The following RAB27A variants were observed in gnomAD, a reference collection of about 807,000 sequenced individuals.
RAB27A encodes the protein ras-related protein Rab-27A.
RAB27A carries 17 observed loss-of-function variants against 20.8 expected under a neutral mutation model. That is an observed-to-expected ratio of 0.82 (90% CI 0.56 to 1.23). RAB27A has a LOEUF of 1.23. Among genes scored for constraint, RAB27A ranks in the 50% most tolerant of loss-of-function variants. The pLI is 0.00. For synonymous variants in RAB27A, 85 were observed against 92.8 expected (o/e 0.92, Z 0.48); for missense variants, 277 against 266.7 (o/e 1.04, Z -0.27).
At chr15:55,231,645 A>G (rs1251267048) in intron 3 of RAB27A, among the ~76,000 whole-genome samples, 1 of 152,178 alleles carries the variant, frequency 6.6e-6, no homozygotes, top group African/African-American at 2.4e-5. Flanking sequence ...TTGTGAAAAC[A>G]TCAGCCTAGC....
In RAB27A at chr15:55,205,547, T is replaced by C. The variant is rs761321376; in HGVS notation, c.626A>G (p.Gln209Arg). The change falls in exon 7 of 7, where the codon CAG (glutamine) becomes CGG (arginine). Residue 209 changes from glutamine (Q) to arginine (R), a missense_variant. Physicochemically the swap from Gln to Arg is conservative, Grantham distance 43 (BLOSUM62 1). Coordinates refer to ENST00000336787, the MANE Select transcript of RAB27A (RefSeq NM_183235.3). ...CCCTTTCTCCTTTTCTTCACTTAACTGATCCGTAGAGGCATGACCATTTGA... is the reference window on the plus strand; with the variant it reads ...CCCTTTCTCCTTTTCTTCACTTAACCGATCCGTAGAGGCATGACCATTTGA... Reference protein sequence around the residue: ...VRSNGHASTDQLSEEKEKGAC... With the variant: ...VRSNGHASTDRLSEEKEKGAC... 6.2e-7 allele frequency: 1 copy of C among 1,614,226 alleles called. No homozygotes were observed. Among genetic ancestry groups the C allele is most frequent in the South Asian group, 1.1e-5 (1 of 91,084 alleles).
chr15:55,229,123 A>G (rs1291761018), intron 4 of RAB27A, among the ~76,000 whole-genome samples: 2 of 152,146 alleles, frequency 1.3e-5, no homozygotes, highest in Non-Finnish European at 2.9e-5. Flanking sequence ...GCTTGAAGGT[A>G]AGAATCTCTT....
intron 2 of RAB27A, chr15:55,237,400 T>G (rs1409767527): frequency 2.0e-5 from 3 of 152,180 alleles, no homozygotes. Flanking sequence ...ATCTGCAACC[T>G]CACGTTTCAG....
At chr15:55,284,388 G>A (rs906574612) in intron 1 of RAB27A, among the ~76,000 whole-genome samples, 2 of 151,876 alleles carry the variant, frequency 1.3e-5, no homozygotes, top group Non-Finnish European at 2.9e-5. Context: ...TAGTTGTTGT[G>A]GAATTATACT....
At chr15:55,245,389 A>G (rs1390022952) in intron 2 of RAB27A, among the ~76,000 whole-genome samples, 1 of 152,244 alleles carries the variant, frequency 6.6e-6, no homozygotes, top group African/African-American at 2.4e-5. Flanking sequence ...GGCGGAGAGA[A>G]GTGGAAATCT....
intron 2 of RAB27A, among the ~76,000 whole-genome samples, chr15:55,266,258 G>A (rs1049933107): frequency 2.0e-5 from 3 of 152,196 alleles, no homozygotes; most frequent in Non-Finnish European, 4.4e-5. Flanking sequence ...ACCTGGAAGA[G>A]AGCTCTCACC....
intron 2 of RAB27A, among the ~76,000 whole-genome samples, chr15:55,241,600 TTATA>T (rs58693379): frequency 3.1e-4 from 38 of 123,840 alleles, no homozygotes; most frequent in East Asian, 2.1e-3. Context: ...CAAGACCTAT[TTATA>T]TATATATATA....
chr15:55,266,860 A>G (rs1243075364), intron 2 of RAB27A, among the ~76,000 whole-genome samples: 1 of 152,228 alleles, frequency 6.6e-6, no homozygotes, highest in Non-Finnish European at 1.5e-5. Context: ...GAGGGACATC[A>G]AGGGAGTTGT....
intron 2 of RAB27A, among the ~76,000 whole-genome samples, chr15:55,265,231 A>C (rs1042699681): frequency 1.3e-5 from 2 of 151,930 alleles, no homozygotes; most frequent in African/African-American, 2.4e-5. Flanking sequence ...ACAAGAGTAA[A>C]ACTCTGTCTC....
chr15:55,209,010 T>C (rs1894788223), intron 6 of RAB27A, among the ~76,000 whole-genome samples: 1 of 152,120 alleles, frequency 6.6e-6, no homozygotes, highest in Non-Finnish European at 1.5e-5. Context: ...TGTAAGAAAA[T>C]TTTATTTTTT....
chr15:55,242,805 GA>G (rs1896544593), intron 2 of RAB27A, among the ~76,000 whole-genome samples: 1 of 152,100 alleles, frequency 6.6e-6, no homozygotes, highest in Admixed American at 6.6e-5. Flanking sequence ...CTAATTTCCA[GA>G]AGAGGAAACT....
chr15:55,313,130 A>G (rs71476716), intron 2 of RAB27A, among the ~76,000 whole-genome samples: 6,733 of 152,306 alleles, frequency 0.044, 239 homozygotes, highest in Middle Eastern at 0.061. Flanking sequence ...ATAGGAAAAA[A>G]TCTTGCCAAG....
intron 1 of RAB27A, among the ~76,000 whole-genome samples, chr15:55,286,071 A>C (rs1208565625): frequency 6.6e-6 from 1 of 152,188 alleles, no homozygotes; most frequent in African/African-American, 2.4e-5. Context: ...TCTTAGAAAA[A>C]AATGGATGGA....
intron 2 of RAB27A, among the ~76,000 whole-genome samples, chr15:55,297,122 A>G (rs1433644545): frequency 6.6e-6 from 1 of 152,200 alleles, no homozygotes; most frequent in African/African-American, 2.4e-5. Context: ...AGCTACTTAG[A>G]AACAGTTTAT....
intron 6 of RAB27A, among the ~76,000 whole-genome samples, chr15:55,210,071 C>CATAT (rs1566896802): frequency 5.4e-5 from 7 of 128,530 alleles, no homozygotes; most frequent in Admixed American, 2.9e-4. Context: ...TGTGTGTGTA[C>CATAT]ATATACATAT....
chr15:55,277,003 G>GT (rs1897892614), intron 1 of RAB27A, among the ~76,000 whole-genome samples: 3 of 152,008 alleles, frequency 2.0e-5, no homozygotes, highest in African/African-American at 4.8e-5. Flanking sequence ...CCATAAAGTA[G>GT]TTTTTTTAAA....
At chr15:55,267,391 A>G (rs1247534816) in intron 2 of RAB27A, among the ~76,000 whole-genome samples, 1 of 152,186 alleles carries the variant, frequency 6.6e-6, no homozygotes, top group Non-Finnish European at 1.5e-5. Flanking sequence ...GAGAAGCAGC[A>G]GCAAAGATAG....
At chr15:55,282,932 A>G (rs1347646141) in intron 1 of RAB27A, among the ~76,000 whole-genome samples, 2 of 151,896 alleles carry the variant, frequency 1.3e-5, no homozygotes, top group Non-Finnish European at 2.9e-5. Flanking sequence ...ATAAATAAAC[A>G]AACAAACAGC....
At chr15:55,248,076 G>A (rs1896757559) in intron 2 of RAB27A, among the ~76,000 whole-genome samples, 1 of 151,866 alleles carries the variant, frequency 6.6e-6, no homozygotes, top group South Asian at 2.1e-4. Context: ...TGGGACTCCA[G>A]GCGCCCATCA....
Sources: allele counts gnomAD v4.1 joint callset (sites outside exome capture counted in the v4.1 genomes callset), GRCh38; gene constraint gnomAD v4.1.1; transcripts MANE v1.5; gene names NCBI Gene and HGNC (gene_info 2026-07-23, HGNC 2026-07-21).